The following KIF11 variants were observed in gnomAD, a reference collection of about 807,000 sequenced individuals.
The protein encoded by KIF11 is kinesin-like protein KIF11.
Under a neutral mutation model 121.0 loss-of-function variants are expected in KIF11, and 9 were observed. That is an observed-to-expected ratio of 0.07 (90% confidence interval 0.04 to 0.13). The LOEUF is 0.13. Among genes scored for constraint, KIF11 ranks in the 10% least tolerant of loss-of-function variants. The pLI is 1.00. For synonymous variants in KIF11, 408 were observed against 421.0 expected, an observed-to-expected ratio of 0.97 and a Z score of 0.38; for missense variants, 846 against 1,217.5, an observed-to-expected ratio of 0.69 and a Z score of 4.54.
At chr10:92,610,028 C>T (rs996672157) in intron 6 of KIF11, among the ~76,000 whole-genome samples, 35 of 152,138 alleles carry the variant, frequency 2.3e-4, no homozygotes, top group Non-Finnish European at 4.4e-5. Flanking sequence ...TGAGCCACGG[C>T]GCCCGGCCTA....
intron 10 of KIF11, among the ~76,000 whole-genome samples, chr10:92,625,702 C>T (rs757419031): frequency 1.2e-4 from 19 of 152,094 alleles, no homozygotes; most frequent in African/African-American, 4.1e-4. Flanking sequence ...CCATAAGCTC[C>T]TAGATCTGAT....
At position 92,628,848 on chromosome 10, in the gene KIF11, G is replaced by T. The variant is rs1417258788; in HGVS notation, c.1258G>T (p.Val420Leu). Reference sequence around the variant, plus strand: ...ATTAACTGTTCAAGAAGAGCAGATTGTAGAATTGATTGAAAAAATTGGTGC... The same window carrying T: ...ATTAACTGTTCAAGAAGAGCAGATTTTAGAATTGATTGAAAAAATTGGTGC... ...GKLTVQEEQI[V>L]ELIEKIGAVE... Residue 420 changes from valine to leucine, a missense_variant, in exon 11 of 22, where the codon GTA (valine) becomes TTA (leucine). By Grantham distance (32) the Val-to-Leu change is conservative (BLOSUM62 1). Coordinates refer to ENST00000260731, the MANE Select transcript of KIF11 (RefSeq NM_004523.4). 2 of 1,604,794 alleles carry T rather than the reference G, an allele frequency of 1.2e-6. No homozygotes were observed. The highest frequency in any genetic ancestry group is 1.7e-6 in the Non-Finnish European group (2 of 1,173,402).
At position 92,609,291 on chromosome 10, in the gene KIF11, AGAGAGAGAGAGAGTGT is replaced by A. The variant is rs57826875; in HGVS notation, c.573+88_574-77del. ...CAGAGAGAGAGAGAGAGAGAGAGAG[AGAGAGAGAGAGAGTGT>A]GTGTGTGTGTGTGTGTGTGTGTGTG... On this transcript the variant is annotated intron_variant, in intron 5 of 21. Coordinates refer to ENST00000260731, the MANE Select transcript of KIF11 (RefSeq NM_004523.4). 2.5e-3 allele frequency: 3,194 copies of A among 1,296,656 alleles called. 38 individuals carry two copies. In the African/African-American group the frequency reaches 0.038, roughly 16 times the overall value. The allele number at this position is 1,296,656 out of a possible 1,614,324, so 80.3% of individuals were successfully genotyped here.
Position 92,632,669 on chromosome 10 carries a change from C to A in KIF11, c.1678C>A (p.Leu560Ile). ...TGGCAGCTCAAAGCAAAAGGCCATGCTAGAAGTACATAAGACCTTATTTGG... is the reference window on the plus strand; with the variant it reads ...TGGCAGCTCAAAGCAAAAGGCCATGATAGAAGTACATAAGACCTTATTTGG... ...KDGSSKQKAM[L>I]EVHKTLFGNL... The change falls in exon 13 of 22, where the codon CTA (leucine) becomes ATA (isoleucine). Residue 560 changes from leucine to isoleucine, a missense_variant. Transcript: ENST00000260731. 6.2e-7 allele frequency: 1 copy of A among 1,609,656 alleles called. No individual in the cohort carries two copies. The highest frequency in any genetic ancestry group is 1.1e-5 in the South Asian group (1 of 90,554).
At chr10:92,652,722 A>G (rs1030005212) in intron 21 of KIF11, among the ~76,000 whole-genome samples, 12 of 152,244 alleles carry the variant, frequency 7.9e-5, no homozygotes, top group Non-Finnish European at 1.8e-4. Context: ...ATCCCTGGTC[A>G]GAAATCGTTT....
At chr10:92,619,147 G>C (rs776580768) in intron 9 of KIF11, among the ~76,000 whole-genome samples, 9 of 152,136 alleles carry the variant, frequency 5.9e-5, no homozygotes, top group Non-Finnish European at 1.2e-4. Context: ...CTCCCAAGTA[G>C]CTGGGATTAC....
intron 4 of KIF11, among the ~76,000 whole-genome samples, chr10:92,608,092 C>T (rs12246900): frequency 0.078 from 11,347 of 145,532 alleles, 1,038 homozygotes; most frequent in African/African-American, 0.21. Flanking sequence ...AACAAAAAAC[C>T]AAAAAACTAG....
chr10:92,599,715 C>T (rs1401352129), intron 1 of KIF11, among the ~76,000 whole-genome samples: 24 of 140,982 alleles, frequency 1.7e-4, no homozygotes, highest in East Asian at 6.6e-4. Flanking sequence ...TGCAGTGGCG[C>T]GATCTCGGCT....
At chr10:92,619,007 C>CTTAT (rs200204648) in intron 9 of KIF11, among the ~76,000 whole-genome samples, 12,182 of 151,194 alleles carry the variant, frequency 0.081, 606 homozygotes, top group African/African-American at 0.13. Flanking sequence ...TTGAGATTGC[C>CTTAT]TTATTTATTT....
intron 20 of KIF11, 88 bp downstream of exon 20, chr10:92,650,074 C>A: frequency 2.0e-6 from 2 of 984,364 alleles, no homozygotes; most frequent in South Asian, 1.6e-5. Context: ...TACTGTTTAC[C>A]CCTCAATCTT....
intron 10 of KIF11, among the ~76,000 whole-genome samples, chr10:92,623,670 G>T (rs551087164): frequency 1.3e-5 from 2 of 152,096 alleles, no homozygotes. Flanking sequence ...TAAGATTGTG[G>T]GTTAGTGAAC....
rs1251618700 is a variant in KIF11 at position 92,630,296 on chromosome 10, G to A, written c.1426G>A (p.Val476Ile). Residue 476 changes from valine to isoleucine, a missense_variant, in exon 12 of 22, where the codon GTT becomes ATT. Val to Ile is a conservative substitution (Grantham distance 29, BLOSUM62 3). Transcript: ENST00000260731. Reference sequence around the variant, plus strand: ...TTTGCAAGAAACTAAATTACAACTTGTTAAAGAAGAATATATCACATCAGC... The same window carrying A: ...TTTGCAAGAAACTAAATTACAACTTATTAAAGAAGAATATATCACATCAGC... ...KHLQETKLQL[V>I]KEEYITSALE... The A allele has an allele frequency of 3.1e-6, 5 of 1,608,122 alleles. No homozygotes were observed. Among genetic ancestry groups the A allele is most frequent in the Non-Finnish European group, 4.2e-6 (5 of 1,177,772 alleles).
chr10:92,634,488 G>A (rs562618568), intron 14 of KIF11, among the ~76,000 whole-genome samples: 1 of 145,192 alleles, frequency 6.9e-6, no homozygotes, highest in African/African-American at 2.6e-5. Context: ...TGGTCAGGCT[G>A]GTCTCAAGCT....
At chr10:92,594,304 G>A (rs2135893146) in intron 1 of KIF11, among the ~76,000 whole-genome samples, 1 of 152,242 alleles carries the variant, frequency 6.6e-6, no homozygotes, top group South Asian at 2.1e-4. Flanking sequence ...AACTTTCTTA[G>A]GCTATTGTTT....
At chr10:92,608,462 G>A (rs1295218506) in intron 4 of KIF11, among the ~76,000 whole-genome samples, 1 of 146,828 alleles carries the variant, frequency 6.8e-6, no homozygotes, top group African/African-American at 2.7e-5. Context: ...TTTTTGAGAC[G>A]GAGTCTCGCT....
intron 18 of KIF11, among the ~76,000 whole-genome samples, chr10:92,646,136 T>C (rs1464544680): frequency 1.3e-5 from 2 of 151,990 alleles, no homozygotes; most frequent in African/African-American, 4.8e-5. Context: ...GTATTTTTAG[T>C]AGAGATGGGG....
rs1175303233 is a variant in KIF11 at position 92,651,507 on chromosome 10, G to GTTTT, written c.3039+1028_3039+1031dup. 2.7e-3 allele frequency among the ~76,000 whole-genome samples: 144 copies of GTTTT among 52,930 alleles called. 29 individuals are homozygous for GTTTT. Among genetic ancestry groups the GTTTT allele is most frequent in the Non-Finnish European group, 4.5e-3 (108 of 23,872 alleles). 34.7% of individuals were successfully genotyped at this position (52,930 alleles called of 152,430 possible). On this transcript the variant is annotated intron_variant, in intron 21 of 21. Coordinates refer to ENST00000260731, the MANE Select transcript of KIF11 (RefSeq NM_004523.4). ...TGTGCCACCATGCCTGGCTAATTTT[G>GTTTT]TTTTTTTTTTTTTTTTTTTTTTTTT...
intron 10 of KIF11, among the ~76,000 whole-genome samples, chr10:92,624,887 C>T (rs993268918): frequency 7.2e-5 from 11 of 151,744 alleles, no homozygotes; most frequent in Admixed American, 5.3e-4. Context: ...CTCCTACCTC[C>T]GCCTCCCAAG....
In KIF11 at chr10:92,594,252, C is replaced by T. The variant is rs528232028; in HGVS notation, c.77+800C>T. On this transcript the variant is annotated intron_variant, in intron 1 of 21. Transcript: ENST00000260731. ...ACTTTTCTGTAAACCCCAAAGTATT[C>T]TAAAATTAAAAGGTTATTTTTTAGA... Among the ~76,000 whole-genome samples the T allele has an allele frequency of 3.3e-5, 5 of 152,244 alleles. No homozygotes were observed. The East Asian group carries it at 7.7e-4, about 23-fold the overall frequency.
Sources: gnomAD v4.1 joint callset for allele counts (sites outside exome capture counted in the v4.1 genomes callset) on GRCh38, gnomAD v4.1.1 for gene constraint, MANE v1.5 for transcripts, NCBI Gene and HGNC (gene_info 2026-07-23, HGNC 2026-07-21) for gene names.